IMPG2: variants seen among roughly 807,000 people sequenced by gnomAD.
IMPG2 encodes the protein interphotoreceptor matrix proteoglycan 2.
In IMPG2, 91 loss-of-function variants were observed where a neutral mutation model predicts 129.2. The ratio of observed to expected loss-of-function variants is 0.70; its 90% CI spans 0.59 to 0.84. The LOEUF (loss-of-function observed/expected upper bound fraction) is 0.84. Among genes scored for constraint, IMPG2 ranks in the 40% least tolerant of loss-of-function variants. IMPG2 has a pLI of 0.00. For missense variants in IMPG2, 1,430 were observed against 1,461.7 expected, an observed-to-expected ratio of 0.98 and a Z score of 0.35; for synonymous variants, 510 against 517.7, an observed-to-expected ratio of 0.99 and a Z score of 0.20.
chr3:101,273,674 G>A lies in IMPG2; in HGVS notation c.735C>T (p.Phe245=). Reference sequence around the variant, plus strand: ...ACTGCTTCCCCAAAAGGTGGATACTGAATTCTGCAATCTGTTCACCTGCTG... The same window carrying A: ...ACTGCTTCCCCAAAAGGTGGATACTAAATTCTGCAATCTGTTCACCTGCTG... The part of the protein sequence containing the change: ...TKPAGEQIAE[F]SIHLLGKQYR... The change falls in exon 7 of 19, where the codon TTC becomes TTT. Residue 245 remains phenylalanine, a synonymous_variant. Transcript: ENST00000193391. The A allele has an allele frequency of 1.9e-6, 3 of 1,614,076 alleles. No homozygotes were observed. The highest frequency in any genetic ancestry group is 2.5e-6 in the Non-Finnish European group (3 of 1,179,954).
intron 8 of IMPG2, among the ~76,000 whole-genome samples, chr3:101,268,415 C>T (rs17401124): frequency 0.015 from 2,288 of 152,186 alleles, 23 homozygotes; most frequent in Admixed American, 0.038. Flanking sequence ...TGAATGGGGG[C>T]GACTGGTCAT....
rs1706625249 is a variant in IMPG2 at position 101,257,643 on chromosome 3, C to T, written c.1039G>A (p.Val347Ile). The T allele has an allele frequency of 6.2e-7, 1 of 1,613,352 alleles. No homozygotes were observed. Among genetic ancestry groups the T allele is most frequent in the Non-Finnish European group, 8.5e-7 (1 of 1,179,590 alleles). Residue 347 changes from valine to isoleucine, a missense_variant, in exon 10 of 19, where the codon GTT becomes ATT. Val to Ile is a conservative substitution (Grantham distance 29). Coordinates refer to ENST00000193391, the MANE Select transcript of IMPG2 (RefSeq NM_016247.4). ...GLVELDDKPTVVYTISNFRDY... is the reference protein window; with the variant it reads ...GLVELDDKPTIVYTISNFRDY... ...CTGAAGTTACTGATTGTATAAACAACAGTGGGTTTATCATCCAGTTCCACA... is the reference window on the plus strand; with the variant it reads ...CTGAAGTTACTGATTGTATAAACAATAGTGGGTTTATCATCCAGTTCCACA...
chr3:101,253,562 T>C (rs989086085), intron 11 of IMPG2, 134 bp downstream of exon 11: 3 of 710,236 alleles, frequency 4.2e-6, no homozygotes, highest in Non-Finnish European at 5.0e-6. Context: ...CTATGAGTAA[T>C]GGTCTAGGGA....
At chr3:101,230,057 T>C (rs891565968) in intron 16 of IMPG2, among the ~76,000 whole-genome samples, 8 of 152,208 alleles carry the variant, frequency 5.3e-5, no homozygotes, top group African/African-American at 1.7e-4. Context: ...ATCATGTGCA[T>C]AGGACTGTTC....
At chr3:101,255,120 C>G (rs912086772) in intron 10 of IMPG2, among the ~76,000 whole-genome samples, 1 of 152,026 alleles carries the variant, frequency 6.6e-6, no homozygotes, top group African/African-American at 2.4e-5. Context: ...TCATAAATTA[C>G]CAAGCCTCAG....
rs141244359 is a variant in IMPG2 at position 101,296,120 on chromosome 3, A to C, written c.502-4610T>G. On this transcript the variant is annotated intron_variant, in intron 3 of 18. Transcript: ENST00000193391. ...TATGTTGAATAGGAAGAGTGAAAGA[A>C]GGCATCCTTGTCTTGTGCCGGTTTT... Among the ~76,000 whole-genome samples the C allele has an allele frequency of 2.9e-3, 444 of 152,308 alleles. 13 individuals are homozygous for C. The highest frequency in any genetic ancestry group is 7.4e-4 in the Non-Finnish European group (50 of 68,026).
At chr3:101,231,999 T>C (rs1396776357) in intron 15 of IMPG2, among the ~76,000 whole-genome samples, 1 of 152,166 alleles carries the variant, frequency 6.6e-6, no homozygotes, top group African/African-American at 2.4e-5. Flanking sequence ...AGTTTTTAAA[T>C]GTTTGTCTTT....
At chr3:101,231,364 G>T (rs537078770) in intron 15 of IMPG2, among the ~76,000 whole-genome samples, 13 of 152,290 alleles carry the variant, frequency 8.5e-5, no homozygotes, top group African/African-American at 2.9e-4. Flanking sequence ...CTGTTTGAAA[G>T]AAAACTGAAT....
intron 4 of IMPG2, among the ~76,000 whole-genome samples, chr3:101,288,743 A>G (rs902310365): frequency 1.3e-5 from 2 of 152,122 alleles, no homozygotes; most frequent in African/African-American, 2.4e-5. Flanking sequence ...ATTGGGTACT[A>G]TGCTCACTAC....
intron 7 of IMPG2, among the ~76,000 whole-genome samples, chr3:101,271,977 C>T (rs927286085): frequency 1.3e-5 from 2 of 152,188 alleles, no homozygotes; most frequent in African/African-American, 4.8e-5. Flanking sequence ...ATCACACCGA[C>T]ACTGGAACTG....
intron 14 of IMPG2, among the ~76,000 whole-genome samples, chr3:101,239,738 C>T (rs1479405243): frequency 6.6e-6 from 1 of 152,106 alleles, no homozygotes; most frequent in Non-Finnish European, 1.5e-5. Flanking sequence ...TACTATGCAG[C>T]CATAAAAAGG....
chr3:101,243,776 G>A lies in IMPG2; in HGVS notation c.2555C>T (p.Pro852Leu). ...GCCATTTTGCTCTTGGACTTGCTCAGGCTGATAGTAATCTGTGCCTATCCG... is the reference window on the plus strand; with the variant it reads ...GCCATTTTGCTCTTGGACTTGCTCAAGCTGATAGTAATCTGTGCCTATCCG... The part of the protein sequence containing the change: ...LDRIGTDYYQ[P>L]EQVQEQNGKV... The change falls in exon 13 of 19, where the codon CCT becomes CTT. Residue 852 changes from proline (P) to leucine (L), a missense_variant. Pro to Leu is a moderately conservative substitution (Grantham distance 98). Transcript: ENST00000193391. The A allele has an allele frequency of 8.1e-6, 13 of 1,613,992 alleles. No individual in the cohort carries two copies. The highest frequency in any genetic ancestry group is 1.1e-5 in the Non-Finnish European group (13 of 1,179,896).
rs138218456 is a variant in IMPG2, at chr3:101,232,871, C to T, written c.3143G>A (p.Arg1048Gln). The T allele has an allele frequency of 2.8e-5, 45 of 1,613,660 alleles. No homozygotes were observed. The highest frequency in any genetic ancestry group is 8.9e-5 in the East Asian group (4 of 44,828). Residue 1048 changes from arginine (R) to glutamine (Q), a missense_variant, in exon 15 of 19, where the codon CGG becomes CAG. Transcript: ENST00000193391. ...TAGGTCACAGAGACTCTGACAGGGC[C>T]GTTCTTCCACACTCAGGTATCCAGG... The part of the protein sequence containing the change: ...CFPGYLSVEE[R>Q]PCQSLCDLQP...
chr3:101,240,834 C>T (rs1706399524), intron 14 of IMPG2, among the ~76,000 whole-genome samples: 1 of 152,180 alleles, frequency 6.6e-6, no homozygotes, highest in Admixed American at 6.5e-5. Context: ...AGAAAGTTCA[C>T]TTCTTTCCTA....
intron 11 of IMPG2, among the ~76,000 whole-genome samples, chr3:101,252,445 C>G (rs1268442627): frequency 6.6e-6 from 1 of 152,078 alleles, no homozygotes; most frequent in Admixed American, 6.6e-5. Context: ...TCACTCCCTG[C>G]CACTGGACCC....
chr3:101,257,073 G>A (rs983922923), intron 10 of IMPG2, among the ~76,000 whole-genome samples: 4 of 152,056 alleles, frequency 2.6e-5, no homozygotes, highest in Admixed American at 2.6e-4. Context: ...CTGAGATTCT[G>A]CATGGCAACC....
chr3:101,238,498 C>T lies in IMPG2; in HGVS notation c.3022+4190G>A, dbSNP rs542559811. Among the ~76,000 whole-genome samples, 48 of 152,200 alleles carry T rather than the reference C, an allele frequency of 3.2e-4. 1 individual carries two copies. In the East Asian group the frequency reaches 8.1e-3, roughly 26 times the overall value. On this transcript the variant is annotated intron_variant, in intron 14 of 18. Transcript: ENST00000193391. Reference sequence around the variant, plus strand: ...GGTCGGGTTACCCACAAAGGGAAACCCATCAGACTAACAGCGGATCTCTCT... The same window carrying T: ...GGTCGGGTTACCCACAAAGGGAAACTCATCAGACTAACAGCGGATCTCTCT...
chr3:101,236,671 A>C (rs945638926), intron 14 of IMPG2, among the ~76,000 whole-genome samples: 2 of 152,058 alleles, frequency 1.3e-5, no homozygotes, highest in African/African-American at 2.4e-5. Flanking sequence ...TTCAGCCCAG[A>C]TATTATGCTT....
intron 11 of IMPG2, among the ~76,000 whole-genome samples, chr3:101,252,101 T>C (rs775342786): frequency 1.8e-4 from 28 of 152,102 alleles, no homozygotes; most frequent in Non-Finnish European, 2.6e-4. Context: ...GTGAGCCCTA[T>C]TGGTGCTTGC....
Sources: gnomAD v4.1 joint callset for allele counts (sites outside exome capture counted in the v4.1 genomes callset) on GRCh38, gnomAD v4.1.1 for gene constraint, MANE v1.5 for transcripts, NCBI Gene and HGNC (gene_info 2026-07-23, HGNC 2026-07-21) for gene names.